The following DCLK1 variants were observed in gnomAD, a reference collection of about 807,000 sequenced individuals.
DCLK1 encodes doublecortin like kinase 1.
Under a neutral mutation model 86.2 loss-of-function variants are expected in DCLK1, and 16 were observed. That is an observed-to-expected ratio of 0.19 (90% CI 0.13 to 0.28). The LOEUF is 0.28. Among genes scored for constraint, DCLK1 ranks in the 10% least tolerant of loss-of-function variants. DCLK1 has a pLI of 1.00. For synonymous variants in DCLK1, 369 were observed against 370.5 expected, an observed-to-expected ratio of 1.00 and a Z score of 0.05; for missense variants, 590 against 940.2, an observed-to-expected ratio of 0.63 and a Z score of 4.87.
At chr13:36,123,069 A>G (rs554950905) in intron 2 of DCLK1, among the ~76,000 whole-genome samples, 1 of 152,330 alleles carries the variant, frequency 6.6e-6, no homozygotes, top group African/African-American at 2.4e-5. Flanking sequence ...TAAGTCCAAT[A>G]CACTTGCCAC....
At chr13:36,033,483 T>A (rs539158157) in intron 3 of DCLK1, among the ~76,000 whole-genome samples, 1 of 152,286 alleles carries the variant, frequency 6.6e-6, no homozygotes, top group Non-Finnish European at 1.5e-5. Flanking sequence ...AACCATTTAT[T>A]CTTAATATTG....
intron 3 of DCLK1, among the ~76,000 whole-genome samples, chr13:36,101,202 T>G (rs898279932): frequency 6.6e-6 from 1 of 152,210 alleles, no homozygotes; most frequent in Non-Finnish European, 1.5e-5. Context: ...CACATGCACT[T>G]TGTGGCATTA....
chr13:36,095,625 A>C (rs1045811304), intron 3 of DCLK1, among the ~76,000 whole-genome samples: 1 of 152,232 alleles, frequency 6.6e-6, no homozygotes, highest in Non-Finnish European at 1.5e-5. Flanking sequence ...AGTAAATATC[A>C]TGGACATATA....
At chr13:36,007,428 A>C (rs1276672297) in intron 3 of DCLK1, among the ~76,000 whole-genome samples, 1 of 152,190 alleles carries the variant, frequency 6.6e-6, no homozygotes, top group Non-Finnish European at 1.5e-5. Flanking sequence ...AATTTGCAAA[A>C]TCTTTGTCCA....
intron 10 of DCLK1, among the ~76,000 whole-genome samples, chr13:35,823,313 G>A (rs1056079903): frequency 4.6e-5 from 7 of 151,484 alleles, no homozygotes; most frequent in Admixed American, 3.3e-4. Context: ...ACTGCAAACT[G>A]CACACTGAAA....
chr13:35,818,888 T>TA (rs1398356110), intron 11 of DCLK1, among the ~76,000 whole-genome samples: 1 of 151,922 alleles, frequency 6.6e-6, no homozygotes, highest in Admixed American at 6.6e-5. Flanking sequence ...CACGCATACA[T>TA]ACACAGTGGT....
At chr13:35,833,331 G>C (rs147668147) in intron 8 of DCLK1, among the ~76,000 whole-genome samples, 4 of 152,232 alleles carry the variant, frequency 2.6e-5, no homozygotes, top group Non-Finnish European at 5.9e-5. Context: ...GGGATGAAAG[G>C]CATCTCACAT....
chr13:35,806,820 T>TGCA (rs1450766617), intron 14 of DCLK1, among the ~76,000 whole-genome samples: 2 of 152,216 alleles, frequency 1.3e-5, no homozygotes, highest in Non-Finnish European at 2.9e-5. Context: ...CCCCCGGCCC[T>TGCA]GCAGCTGTAT....
intron 2 of DCLK1, among the ~76,000 whole-genome samples, chr13:36,121,446 T>C (rs1187422316): frequency 6.6e-6 from 1 of 152,206 alleles, no homozygotes; most frequent in Non-Finnish European, 1.5e-5. Context: ...CACGCCATCT[T>C]GCTTCTTCCA....
At chr13:36,026,784 A>C (rs1882049518) in intron 3 of DCLK1, among the ~76,000 whole-genome samples, 1 of 152,188 alleles carries the variant, frequency 6.6e-6, no homozygotes, top group African/African-American at 2.4e-5. Context: ...CAATACAAGC[A>C]GACACACTCT....
intron 3 of DCLK1, among the ~76,000 whole-genome samples, chr13:36,023,277 T>C (rs373479548): frequency 2.6e-5 from 4 of 152,148 alleles, no homozygotes; most frequent in Non-Finnish European, 1.5e-5. Context: ...AAATCTGCAG[T>C]GTATGGGCTG....
At chr13:35,896,542 A>AG (rs1874001781) in intron 4 of DCLK1, among the ~76,000 whole-genome samples, 1 of 150,270 alleles carries the variant, frequency 6.7e-6, no homozygotes, top group South Asian at 2.1e-4. Flanking sequence ...CCACCTCAAA[A>AG]AAAAAAAAAA....
At chr13:36,000,258 C>T (rs1314196774) in intron 3 of DCLK1, among the ~76,000 whole-genome samples, 1 of 152,092 alleles carries the variant, frequency 6.6e-6, no homozygotes, top group African/African-American at 2.4e-5. Flanking sequence ...GTCATTTTTT[C>T]CCCCTGTGAG....
intron 4 of DCLK1, among the ~76,000 whole-genome samples, chr13:35,900,794 C>T (rs1251240172): frequency 6.6e-6 from 1 of 152,162 alleles, no homozygotes; most frequent in Non-Finnish European, 1.5e-5. Context: ...CCAAATGTAC[C>T]TTGGGGGACA....
intron 3 of DCLK1, among the ~76,000 whole-genome samples, chr13:35,959,688 G>A (rs1169005618): frequency 1.3e-5 from 2 of 152,162 alleles, no homozygotes; most frequent in Admixed American, 1.3e-4. Context: ...CAGCAGCCAT[G>A]GTTAACATGT....
rs951401483 is a variant in DCLK1, at chr13:35,769,984, A to G, written c.*4551T>C. Reference sequence around the variant, plus strand: ...TGATGCTCAGTGTTGAAACCCAACAATAAACAAACAAACAAAAACCCCCAC... The same window carrying G: ...TGATGCTCAGTGTTGAAACCCAACAGTAAACAAACAAACAAAAACCCCCAC... On this transcript the variant is annotated 3_prime_UTR_variant, in exon 17 of 17. Coordinates refer to ENST00000360631, the MANE Select transcript of DCLK1 (RefSeq NM_001330071.2). The G allele has an allele frequency of 6.6e-6, 1 of 152,238 alleles. No individual in the cohort carries two copies. Among genetic ancestry groups the G allele is most frequent in the Non-Finnish European group, 1.5e-5 (1 of 68,042 alleles). The allele number at this position is 152,238 out of a possible 1,614,324, so 9.4% of individuals were successfully genotyped here. A position where few individuals can be genotyped will look rare whatever the true frequency, so the allele number is the denominator to read the frequency against.
chr13:36,130,581 T>A (rs369519585), intron 1 of DCLK1, among the ~76,000 whole-genome samples: 2 of 152,178 alleles, frequency 1.3e-5, no homozygotes, highest in Admixed American at 1.3e-4. Context: ...TCGCTGTCCC[T>A]GAAGGAACTT....
chr13:36,110,055 T>C (rs951460287), intron 3 of DCLK1, among the ~76,000 whole-genome samples: 7 of 152,198 alleles, frequency 4.6e-5, no homozygotes, highest in African/African-American at 1.7e-4. Flanking sequence ...CATTTATCCA[T>C]ATGTATTCTT....
chr13:35,995,701 G>C (rs1433090885), intron 3 of DCLK1, among the ~76,000 whole-genome samples: 1 of 152,160 alleles, frequency 6.6e-6, no homozygotes, highest in Non-Finnish European at 1.5e-5. Context: ...ATAGAAGACT[G>C]CTTATTTTTA....
Sources: gnomAD v4.1 joint callset for allele counts (sites outside exome capture counted in the v4.1 genomes callset) on GRCh38, gnomAD v4.1.1 for gene constraint, MANE v1.5 for transcripts, NCBI Gene and HGNC (gene_info 2026-07-23, HGNC 2026-07-21) for gene names.